ZCCHC2: variants seen among roughly 807,000 people sequenced by gnomAD.
ZCCHC2 encodes the protein zinc finger CCHC-type containing 2.
Under a neutral mutation model 103.6 loss-of-function variants are expected in ZCCHC2, and 39 were observed. The observed-to-expected ratio is 0.38, with a 90% CI of 0.29 to 0.49. The LOEUF (loss-of-function observed/expected upper bound fraction) is 0.49. ZCCHC2 is among the 20% of genes least tolerant of loss of function. ZCCHC2 has a pLI of 0.96. For synonymous variants in ZCCHC2, 687 were observed against 608.9 expected (o/e 1.13, Z -1.89); for missense variants, 1,483 against 1,491.0 (o/e 0.99, Z 0.09).
intron 4 of ZCCHC2, among the ~76,000 whole-genome samples, chr18:62,549,643 A>G (rs2145506080): frequency 6.6e-6 from 1 of 152,360 alleles, no homozygotes; most frequent in African/African-American, 2.4e-5. Context: ...TGGCTTATGA[A>G]TAATCAATTT....
At position 62,575,481 on chromosome 18, in the gene ZCCHC2, T is replaced by G. The variant is rs764244771; in HGVS notation, c.3400T>G (p.Tyr1134Asp). 6.2e-7 allele frequency: 1 copy of G among 1,614,060 alleles called. No homozygotes were observed. The highest frequency in any genetic ancestry group is 8.5e-7 in the Non-Finnish European group (1 of 1,179,904). Residue 1134 changes from tyrosine to aspartate, a missense_variant, in exon 13 of 14, where the codon TAC becomes GAC. Tyr to Asp is a radical substitution (Grantham distance 160, BLOSUM62 -3). Coordinates refer to ENST00000269499, the MANE Select transcript of ZCCHC2 (RefSeq NM_017742.6). ...GPKKNGNVSC[Y>D]NCGVSGHYAQ... ...CAAGAAGAATGGGAATGTCTCATGT[T>G]ACAATTGTGGTGTAAGCGGACACTA... is the stretch of plus-strand genomic sequence containing the variant.
At chr18:62,561,061 A>G (rs1391786075) in intron 8 of ZCCHC2, among the ~76,000 whole-genome samples, 1 of 152,156 alleles carries the variant, frequency 6.6e-6, no homozygotes, top group Non-Finnish European at 1.5e-5. Context: ...AATTCTCTGT[A>G]TAATTTTAAA....
chr18:62,571,763 T>C (rs912311584), intron 12 of ZCCHC2, among the ~76,000 whole-genome samples: 1 of 152,248 alleles, frequency 6.6e-6, no homozygotes, highest in African/African-American at 2.4e-5. Context: ...TTACCACATA[T>C]TGTTTCAGCC....
chr18:62,562,429 C>T (rs1916160996), intron 8 of ZCCHC2, among the ~76,000 whole-genome samples: 1 of 152,064 alleles, frequency 6.6e-6, no homozygotes. Flanking sequence ...CTAATTTTCT[C>T]CATCTATTTC....
chr18:62,576,395 C>A, intron 13 of ZCCHC2, 117 bp from the exon 14 acceptor site: 1 of 786,960 alleles, frequency 1.3e-6, no homozygotes. Context: ...TTTGGAGTGG[C>A]ACTAGAGCTG....
intron 2 of ZCCHC2, among the ~76,000 whole-genome samples, chr18:62,540,180 C>T (rs755279705): frequency 6.6e-6 from 1 of 152,184 alleles, no homozygotes; most frequent in Non-Finnish European, 1.5e-5. Flanking sequence ...AAATAAGTTA[C>T]TTACAAATCC....
intron 1 of ZCCHC2, chr18:62,526,908 C>A (rs990064206): frequency 6.6e-6 from 1 of 151,294 alleles, no homozygotes; most frequent in Non-Finnish European, 1.5e-5. Flanking sequence ...GGGCTAGCGC[C>A]GGAGACTTCC....
exon 15 of ZCCHC2, chr18:62,586,152 G>A (rs1346950775): frequency 6.7e-6 from 1 of 148,966 alleles, no homozygotes; most frequent in Non-Finnish European, 1.5e-5. Context: ...GTAAATTGGT[G>A]TAAAAATGGA....
intron 5 of ZCCHC2, 33 bp downstream of exon 5, chr18:62,550,493 A>G: frequency 2.6e-6 from 4 of 1,555,968 alleles, no homozygotes; most frequent in Non-Finnish European, 3.5e-6. Flanking sequence ...TCATAGCAGC[A>G]TACACACAGG....
At chr18:62,567,938 C>G (rs1227365009) in intron 11 of ZCCHC2, among the ~76,000 whole-genome samples, 3 of 10,156 alleles carry the variant, frequency 3.0e-4, no homozygotes, top group Non-Finnish European at 4.4e-4. Flanking sequence ...GAATGAGACT[C>G]TGTCTCAAAA....
chr18:62,548,874 G>A (rs553700088), intron 4 of ZCCHC2, among the ~76,000 whole-genome samples: 5 of 151,998 alleles, frequency 3.3e-5, no homozygotes, highest in African/African-American at 9.7e-5. Flanking sequence ...GCAGTGAGCC[G>A]AGATCATGCC....
In ZCCHC2 at chr18:62,544,786, GT is replaced by G. The variant is rs3216160; in HGVS notation, c.1129-8del. 5 of 1,491,524 alleles carry G rather than the reference GT, an allele frequency of 3.4e-6. No individual in the cohort carries two copies. In the South Asian group the frequency reaches 3.9e-5, roughly 12 times the overall value. The allele number at this position is 1,491,524 out of a possible 1,614,324, so 92.4% of individuals were successfully genotyped here. A position where few individuals can be genotyped will look rare whatever the true frequency, so the allele number is the denominator to read the frequency against. ...TAGGGAATAACCATATAATATGTGT[GT>G]TTTTTTTAAATCAGGTAAATTGGTC... is the stretch of plus-strand genomic sequence containing the variant. On this transcript the variant is annotated splice_polypyrimidine_tract_variant and intron_variant, in intron 3 of 13. Transcript: ENST00000269499.
intron 7 of ZCCHC2, 93 bp downstream of exon 7, chr18:62,558,863 G>T: frequency 1.3e-6 from 1 of 750,280 alleles, no homozygotes. Context: ...TATAGGAATT[G>T]GAATGTGACA....
intron 7 of ZCCHC2, among the ~76,000 whole-genome samples, chr18:62,559,088 TA>T (rs1172131097): frequency 6.6e-6 from 1 of 152,244 alleles, no homozygotes; most frequent in Non-Finnish European, 1.5e-5. Context: ...AACTTATATG[TA>T]AAATGTAAAA....
chr18:62,559,395 A>T (rs1916025489), intron 7 of ZCCHC2, among the ~76,000 whole-genome samples: 1 of 152,244 alleles, frequency 6.6e-6, no homozygotes, highest in South Asian at 2.1e-4. Context: ...CTATTACATA[A>T]TGTGCAGCCT....
chr18:62,575,585 A>G, intron 13 of ZCCHC2, 35 bp downstream of exon 13: 1 of 1,585,984 alleles, frequency 6.3e-7, no homozygotes, highest in Non-Finnish European at 8.6e-7. Context: ...CTTGTTTTTG[A>G]GTTCACTCAT....
chr18:62,523,599 C>T lies in ZCCHC2; in HGVS notation c.175C>T (p.Pro59Ser). 7 of 969,074 alleles carry T rather than the reference C, an allele frequency of 7.2e-6. No homozygotes were observed. Among genetic ancestry groups the T allele is most frequent in the Non-Finnish European group, 8.8e-6 (7 of 797,424 alleles). The allele number at this position is 969,074 out of a possible 1,614,324, so 60.0% of individuals were successfully genotyped here. The change falls in exon 1 of 14, where the codon CCG (proline) becomes TCG (serine). Residue 59 changes from proline to serine, a missense_variant. By Grantham distance (74) the Pro-to-Ser change is moderately conservative. This residue lies in a region of ZCCHC2 where 568 missense variants were observed against 525.1 expected (regional missense o/e 1.08). Coordinates refer to ENST00000269499, the MANE Select transcript of ZCCHC2 (RefSeq NM_017742.6). ...PPAGPSRGPL[P>S]PPPPPRGLGP... ...CGCGGGCCCGTCGCGGGGCCCTCTG[C>T]CGCCGCCGCCGCCGCCCCGGGGACT...
At chr18:62,535,689 A>G (rs1264103425) in intron 1 of ZCCHC2, among the ~76,000 whole-genome samples, 1 of 152,206 alleles carries the variant, frequency 6.6e-6, no homozygotes, top group East Asian at 1.9e-4. Context: ...GAGGCTTCCC[A>G]GGACCTAACT....
chr18:62,575,938 A>G (rs960641774), intron 13 of ZCCHC2, among the ~76,000 whole-genome samples: 1 of 152,010 alleles, frequency 6.6e-6, no homozygotes, highest in African/African-American at 2.4e-5. Context: ...GTTATCTGAC[A>G]TTAGGTTTTG....
Sources: allele counts gnomAD v4.1 joint callset (sites outside exome capture counted in the v4.1 genomes callset), GRCh38; gene constraint gnomAD v4.1.1; regional missense constraint gnomAD v4.1.1; transcripts MANE v1.5; gene names NCBI Gene and HGNC (gene_info 2026-07-23, HGNC 2026-07-21).